Variants in ARHGAP21 observed in about 807,000 individuals in gnomAD.
ARHGAP21 encodes Rho GTPase activating protein 21, also known as rho GTPase-activating protein 21.
Under a neutral mutation model 164.6 loss-of-function variants are expected in ARHGAP21, and 38 were observed. The observed-to-expected ratio is 0.23, with a 90% confidence interval of 0.18 to 0.30. ARHGAP21 has a LOEUF of 0.30. Among genes scored for constraint, ARHGAP21 ranks in the 10% least tolerant of loss-of-function variants. ARHGAP21 has a pLI of 1.00. For synonymous variants in ARHGAP21, 766 were observed against 857.9 expected, an observed-to-expected ratio of 0.89 and a Z score of 1.87; for missense variants, 1,822 against 2,370.7, an observed-to-expected ratio of 0.77 and a Z score of 4.81.
At chr10:24,652,887 C>T (rs1009656417) in intron 4 of ARHGAP21, among the ~76,000 whole-genome samples, 1 of 152,058 alleles carries the variant, frequency 6.6e-6, no homozygotes, top group Non-Finnish European at 1.5e-5. Context: ...ATATGCATAC[C>T]CATGACCCAG....
chr10:24,608,195 C>T (rs542936706), intron 9 of ARHGAP21, among the ~76,000 whole-genome samples: 4 of 152,252 alleles, frequency 2.6e-5, no homozygotes, highest in African/African-American at 4.8e-5. Flanking sequence ...GTACCTCGAA[C>T]CTAAACCCAT....
intron 2 of ARHGAP21, chr10:24,706,419 A>G (rs1267787482): frequency 6.6e-6 from 1 of 152,666 alleles, no homozygotes. Flanking sequence ...ACAAGAAGAC[A>G]GTGTTTTTAT....
chr10:24,662,153 C>T (rs948159565), intron 4 of ARHGAP21, among the ~76,000 whole-genome samples: 3 of 152,194 alleles, frequency 2.0e-5, no homozygotes, highest in African/African-American at 7.2e-5. Flanking sequence ...TCTCCTTGAC[C>T]TTTCTCCATG....
chr10:24,638,450 TC>T (rs1479093060), intron 4 of ARHGAP21, among the ~76,000 whole-genome samples: 1 of 152,234 alleles, frequency 6.6e-6, no homozygotes, highest in African/African-American at 2.4e-5. Flanking sequence ...CGTGTGTCAT[TC>T]ACAAGCTCTC....
chr10:24,626,234 C>T (rs570659078), intron 7 of ARHGAP21, among the ~76,000 whole-genome samples: 2 of 152,090 alleles, frequency 1.3e-5, no homozygotes, highest in Non-Finnish European at 2.9e-5. Context: ...AAGTATGCCC[C>T]GATCTAGTTC....
At chr10:24,660,372 C>CA (rs1404381942) in intron 4 of ARHGAP21, among the ~76,000 whole-genome samples, 2 of 124,444 alleles carry the variant, frequency 1.6e-5, no homozygotes, top group Non-Finnish European at 3.3e-5. Flanking sequence ...CACAGAGCAA[C>CA]ACCCTCTCTC....
intron 7 of ARHGAP21, among the ~76,000 whole-genome samples, chr10:24,627,398 T>A (rs1455906239): frequency 6.6e-6 from 1 of 152,202 alleles, no homozygotes. Flanking sequence ...GGAATATATG[T>A]TAGAGACAGA....
At chr10:24,704,501 C>T in intron 2 of ARHGAP21, among the ~76,000 whole-genome samples, 1 of 151,236 alleles carries the variant, frequency 6.6e-6, no homozygotes, top group East Asian at 1.9e-4. Context: ...AGTCTCGCTC[C>T]ACTGCCAGGC....
At chr10:24,591,168 A>G in intron 24 of ARHGAP21, 57 bp downstream of exon 24, 1 of 1,373,756 alleles carries the variant, frequency 7.3e-7, no homozygotes, top group African/African-American at 1.5e-5. Flanking sequence ...TTGCTCTTTC[A>G]TATTGTAAGA....
rs540120507 is a variant in ARHGAP21 at position 24,702,374 on chromosome 10, G to A, written c.63+19463C>T. Among the ~76,000 whole-genome samples the A allele has an allele frequency of 7.3e-5, 11 of 151,664 alleles. No individual in the cohort carries two copies. In the East Asian group the frequency reaches 2.0e-3, roughly 27 times the overall value. On this transcript the variant is annotated intron_variant, in intron 2 of 25. Transcript: ENST00000396432. The stretch of plus-strand genomic sequence containing the variant: ...TCTCGATCTCCTGACCTCGTGATCC[G>A]CCTGCCTCAGCCTCCCAAAGTGCTA...
At chr10:24,669,300 T>C (rs1331953961) in intron 3 of ARHGAP21, among the ~76,000 whole-genome samples, 1 of 152,178 alleles carries the variant, frequency 6.6e-6, no homozygotes, top group African/African-American at 2.4e-5. Flanking sequence ...TAGATAAAAA[T>C]ACGGACACTA....
intron 9 of ARHGAP21, among the ~76,000 whole-genome samples, chr10:24,616,622 T>G (rs1223639079): frequency 6.6e-6 from 1 of 152,148 alleles, no homozygotes; most frequent in Admixed American, 6.5e-5. Flanking sequence ...TTAAGAGATA[T>G]GACAAAACTA....
chr10:24,622,873 T>G, intron 7 of ARHGAP21, 111 bp from the exon 8 acceptor site: 4 of 1,061,812 alleles, frequency 3.8e-6, no homozygotes, highest in Non-Finnish European at 5.5e-6. Flanking sequence ...TATACTTGTT[T>G]CTCTGGAAGG....
intron 2 of ARHGAP21, among the ~76,000 whole-genome samples, chr10:24,686,840 A>G (rs1316408181): frequency 2.6e-5 from 4 of 152,174 alleles, no homozygotes. Flanking sequence ...CTTTCTCAGC[A>G]CCAAAGTGCC....
At chr10:24,703,054 T>C (rs1490172379) in intron 2 of ARHGAP21, among the ~76,000 whole-genome samples, 1 of 152,152 alleles carries the variant, frequency 6.6e-6, no homozygotes, top group South Asian at 2.1e-4. Context: ...CTATATTATA[T>C]AGGCATTGAA....
In ARHGAP21 at chr10:24,620,954, A is replaced by G. The variant is rs1834482258; in HGVS notation, c.941T>C (p.Val314Ala). The G allele has an allele frequency of 1.2e-6, 2 of 1,613,820 alleles. No individual in the cohort carries two copies. Among genetic ancestry groups the G allele is most frequent in the Non-Finnish European group, 1.7e-6 (2 of 1,179,860 alleles). Residue 314 changes from valine (V) to alanine (A), a missense_variant, in exon 9 of 26, where the codon GTG becomes GCG. By Grantham distance (64) the Val-to-Ala change is moderately conservative. Around this residue, in one of 5 missense-constraint regions of ARHGAP21, gnomAD observed 1,090 missense variants for 1,378.9 expected, o/e 0.79. Transcript: ENST00000396432. ...TAATGGTGGTGATGTGGTTCTTGAC[A>G]CTGTTTTTAAAGAGGTCTGCTCACT... ...GVSEQTSLKT[V>A]SRTTSPPLSI... is the part of the protein sequence containing the mutation.
chr10:24,592,600 GAGTTCA>G (rs1035683984), intron 21 of ARHGAP21, among the ~76,000 whole-genome samples: 2 of 151,824 alleles, frequency 1.3e-5, no homozygotes, highest in African/African-American at 2.4e-5. Context: ...TTGAGCCCAG[GAGTTCA>G]AGACCTCATC....
At chr10:24,605,032 G>T (rs1444765081) in intron 11 of ARHGAP21, among the ~76,000 whole-genome samples, 3 of 152,020 alleles carry the variant, frequency 2.0e-5, no homozygotes, top group Non-Finnish European at 4.4e-5. Context: ...GTTACTAAAG[G>T]TGTCACTGTT....
At chr10:24,702,421 A>G (rs1414791405) in intron 2 of ARHGAP21, among the ~76,000 whole-genome samples, 4 of 152,066 alleles carry the variant, frequency 2.6e-5, no homozygotes, top group East Asian at 1.9e-4. Flanking sequence ...GTGAGCCACC[A>G]CGCCTGGCCA....
Sources: gnomAD v4.1 joint callset for allele counts (sites outside exome capture counted in the v4.1 genomes callset) on GRCh38, gnomAD v4.1.1 for gene constraint, gnomAD v4.1.1 regional missense constraint, MANE v1.5 for transcripts, NCBI Gene and HGNC (gene_info 2026-07-23, HGNC 2026-07-21) for gene names.